Variants in DYM observed in about 807,000 individuals in gnomAD.
The protein encoded by DYM is dyggve-Melchior-Clausen syndrome protein.
In DYM, 78 loss-of-function variants were observed where a neutral mutation model predicts 93.1. The ratio of observed to expected loss-of-function variants is 0.84; its 90% confidence interval spans 0.70 to 1.01. The LOEUF is 1.01. Among genes scored for constraint, DYM ranks in the 50% least tolerant of loss-of-function variants. DYM has a pLI of 0.00. For missense variants in DYM, 789 were observed against 845.0 expected (o/e 0.93, Z 0.82); for synonymous variants, 321 against 319.7 (o/e 1.00, Z -0.04).
intron 13 of DYM, among the ~76,000 whole-genome samples, chr18:49,256,756 C>T (rs1368567367): frequency 1.3e-5 from 2 of 152,090 alleles, no homozygotes; most frequent in Non-Finnish European, 2.9e-5. Flanking sequence ...ACCTGCTCCT[C>T]TAAAAAACTA....
chr18:49,331,762 A>T lies in DYM; in HGVS notation c.763+102T>A. On this transcript the variant is annotated intron_variant, in intron 8 of 17. Transcript: ENST00000675505. ...ACATTGAACCAGCTGCACAAATTCA[A>T]TGTAACTATTAATGGTGGCAGCCAA... is the stretch of plus-strand genomic sequence containing the variant. 7 of 1,259,292 alleles carry T rather than the reference A, an allele frequency of 5.6e-6. No homozygotes were observed. In the South Asian group the frequency reaches 8.5e-5, roughly 15 times the overall value. 78.0% of individuals were successfully genotyped at this position (1,259,292 alleles called of 1,614,324 possible).
At chr18:49,172,274 G>T (rs2145281826) in intron 14 of DYM, among the ~76,000 whole-genome samples, 1 of 152,280 alleles carries the variant, frequency 6.6e-6, no homozygotes, top group East Asian at 1.9e-4. Context: ...TTATTTATCA[G>T]TGTTGGTCTA....
At chr18:49,157,369 C>A (rs142628579) in intron 15 of DYM, among the ~76,000 whole-genome samples, 4 of 152,302 alleles carry the variant, frequency 2.6e-5, no homozygotes, top group Non-Finnish European at 4.4e-5. Context: ...ACATAGGCAG[C>A]ATGGCATAAC....
At chr18:49,352,694 A>T (rs2065214428) in intron 6 of DYM, among the ~76,000 whole-genome samples, 1 of 152,178 alleles carries the variant, frequency 6.6e-6, no homozygotes, top group Non-Finnish European at 1.5e-5. Context: ...ACATCAATAA[A>T]CCTAACTTTT....
chr18:49,196,045 C>A (rs2091420796), intron 14 of DYM, among the ~76,000 whole-genome samples: 1 of 151,196 alleles, frequency 6.6e-6, no homozygotes. Flanking sequence ...CTGCCTCAGC[C>A]TCCCGAGTAG....
At chr18:49,261,235 G>A (rs567446735) in intron 11 of DYM, among the ~76,000 whole-genome samples, 9 of 152,190 alleles carry the variant, frequency 5.9e-5, no homozygotes, top group South Asian at 4.2e-4. Context: ...ATTTTCACTC[G>A]TTTAACTCTC....
intron 2 of DYM, among the ~76,000 whole-genome samples, chr18:49,423,768 CCT>C (rs2073978616): frequency 1.3e-5 from 2 of 152,234 alleles, no homozygotes; most frequent in South Asian, 4.1e-4. Flanking sequence ...ACTATAAACA[CCT>C]CTATGCAAAT....
At chr18:49,123,156 TAA>T (rs1421455936) in intron 15 of DYM, among the ~76,000 whole-genome samples, 3 of 152,226 alleles carry the variant, frequency 2.0e-5, no homozygotes, top group African/African-American at 7.2e-5. Flanking sequence ...TTTATTTGGA[TAA>T]ATTTACCTTA....
chr18:49,105,314 C>T (rs1159184444), intron 16 of DYM, among the ~76,000 whole-genome samples: 2 of 152,104 alleles, frequency 1.3e-5, no homozygotes, highest in Non-Finnish European at 2.9e-5. Context: ...CTTTATTAGT[C>T]TTGCTAGCAG....
chr18:49,301,248 T>C (rs796785227), intron 8 of DYM, among the ~76,000 whole-genome samples: 12 of 152,234 alleles, frequency 7.9e-5, no homozygotes, highest in African/African-American at 2.9e-4. Flanking sequence ...GGGCCGGGCG[T>C]GGTGGCTCAC....
At chr18:49,050,597 T>G (rs945152725) in intron 17 of DYM, among the ~76,000 whole-genome samples, 6 of 152,140 alleles carry the variant, frequency 3.9e-5, no homozygotes, top group Admixed American at 3.9e-4. Flanking sequence ...GCGGGGGCTG[T>G]GGTTGACCAG....
In DYM at chr18:49,438,786, A is replaced by T. The variant is rs181254251; in HGVS notation, c.-53-8339T>A. Among the ~76,000 whole-genome samples, 52 of 152,244 alleles carry T rather than the reference A, an allele frequency of 3.4e-4. 1 individual carries two copies. Among genetic ancestry groups the T allele is most frequent in the African/African-American group, 1.2e-3 (51 of 41,554 alleles). ...CCACTGAGGCACTCTTGCCAGAAAG[A>T]TCCACCTGCTCCCCCACAAAAAGCA... is the stretch of plus-strand genomic sequence containing the variant. On this transcript the variant is annotated intron_variant, in intron 1 of 17. Transcript: ENST00000675505.
intron 8 of DYM, among the ~76,000 whole-genome samples, chr18:49,324,121 C>G (rs940299754): frequency 9.5e-6 from 1 of 105,284 alleles, no homozygotes; most frequent in African/African-American, 3.8e-5. Flanking sequence ...AGTGACAGAG[C>G]CAGATAGGCT....
intron 8 of DYM, among the ~76,000 whole-genome samples, chr18:49,327,557 A>G (rs1323033183): frequency 2.6e-5 from 4 of 151,868 alleles, no homozygotes; most frequent in Admixed American, 1.3e-4. Flanking sequence ...GTGTCTCACT[A>G]TGCTGCCCAG....
chr18:49,292,463 T>C (rs1272286503), intron 8 of DYM, among the ~76,000 whole-genome samples: 1 of 151,438 alleles, frequency 6.6e-6, no homozygotes, highest in African/African-American at 2.4e-5. Flanking sequence ...AGCCTGTCAC[T>C]GCCTACATTA....
At chr18:49,385,216 G>C (rs2068477927) in intron 3 of DYM, among the ~76,000 whole-genome samples, 1 of 152,194 alleles carries the variant, frequency 6.6e-6, no homozygotes, top group African/African-American at 2.4e-5. Context: ...ACTCTTTCAG[G>C]AGAGGATGGT....
intron 8 of DYM, among the ~76,000 whole-genome samples, chr18:49,293,726 A>C (rs1228752111): frequency 1.4e-4 from 22 of 152,060 alleles, no homozygotes; most frequent in Non-Finnish European, 7.4e-5. Context: ...GCCTTCTGTC[A>C]GTGGATAGAT....
intron 6 of DYM, among the ~76,000 whole-genome samples, chr18:49,343,292 C>T (rs1300173116): frequency 6.6e-6 from 1 of 152,170 alleles, no homozygotes; most frequent in African/African-American, 2.4e-5. Context: ...CCTCCCCATC[C>T]TTGCTCATTC....
At chr18:49,081,694 A>T (rs1288343662) in intron 17 of DYM, among the ~76,000 whole-genome samples, 1 of 152,186 alleles carries the variant, frequency 6.6e-6, no homozygotes, top group Admixed American at 6.5e-5. Context: ...AAAGATGTGG[A>T]CTGGCAGAGT....
Sources: gnomAD v4.1 joint callset for allele counts (sites outside exome capture counted in the v4.1 genomes callset) on GRCh38, gnomAD v4.1.1 for gene constraint, MANE v1.5 for transcripts, NCBI Gene and HGNC (gene_info 2026-07-23, HGNC 2026-07-21) for gene names.